The following MECOM variants were observed in gnomAD, a reference collection of about 807,000 sequenced individuals.
MECOM encodes MDS1 and EVI1 complex locus.
In MECOM, 13 loss-of-function variants were observed where a neutral mutation model predicts 116.3. That is an observed-to-expected ratio of 0.11 (90% CI 0.07 to 0.18). MECOM has a LOEUF of 0.18. Among genes scored for constraint, MECOM ranks in the 10% least tolerant of loss-of-function variants. The pLI, the probability that MECOM is intolerant of heterozygous loss-of-function variation, is 1.00. For missense variants in MECOM, 1,299 were observed against 1,509.0 expected, an observed-to-expected ratio of 0.86 and a Z score of 2.31; for synonymous variants, 528 against 535.2, an observed-to-expected ratio of 0.99 and a Z score of 0.19.
intron 2 of MECOM, among the ~76,000 whole-genome samples, chr3:169,149,025 T>C (rs2149318663): frequency 6.6e-6 from 1 of 151,938 alleles, no homozygotes; most frequent in Middle Eastern, 3.4e-3. Context: ...AGCTCCTGGT[T>C]CGTGGCCATT....
rs1223991558 is a variant in MECOM at position 169,663,513 on chromosome 3, TCTCTCTCTCTCTCTCTCCCTCC to T, written c.-163_-142del. The T allele has an allele frequency of 6.0e-6, 4 of 670,654 alleles. No individual in the cohort carries two copies. The highest frequency in any genetic ancestry group is 1.1e-5 in the Non-Finnish European group (4 of 380,780). 41.5% of individuals were successfully genotyped at this position (670,654 alleles called of 1,614,324 possible). ...CTCTCTCTCTCTCTCTCTCTCTCTC[TCTCTCTCTCTCTCTCTCCCTCC>T]CTCCTGTTTCTCTCCTGTTTCTCTC... is the stretch of plus-strand genomic sequence containing the variant. On this transcript the variant is annotated 5_prime_UTR_variant, in exon 1 of 17. Coordinates refer to ENST00000651503, the MANE Select transcript of MECOM (RefSeq NM_004991.4).
intron 1 of MECOM, among the ~76,000 whole-genome samples, chr3:169,639,757 T>C (rs1009138160): frequency 1.3e-5 from 2 of 152,186 alleles, no homozygotes; most frequent in Admixed American, 6.5e-5. Flanking sequence ...AGTATTAAGA[T>C]AGGATATATA....
At position 169,311,181 on chromosome 3, in the gene MECOM, C is replaced by A. The variant is rs9883438; in HGVS notation, c.375+70006G>T. 3.7e-3 allele frequency among the ~76,000 whole-genome samples: 556 copies of A among 152,146 alleles called. 3 individuals carry two copies. The highest frequency in any genetic ancestry group is 0.013 in the African/African-American group (539 of 41,508). Reference sequence around the variant, plus strand: ...TTGAGCACCGGATAATAACTATATTCAATTATGTCAGTTGGTACAAGTAAA... The same window carrying A: ...TTGAGCACCGGATAATAACTATATTAAATTATGTCAGTTGGTACAAGTAAA... On this transcript the variant is annotated intron_variant, in intron 2 of 16. Coordinates refer to ENST00000651503, the MANE Select transcript of MECOM (RefSeq NM_004991.4).
rs886463510 is a variant in MECOM at position 169,138,215 on chromosome 3, C to T, written c.510+5483G>A. ...TGTGTATGTGATGCTTTGTGATCTTCCTGAATGAAAGGCGATATATACATG... is the reference window on the plus strand; with the variant it reads ...TGTGTATGTGATGCTTTGTGATCTTTCTGAATGAAAGGCGATATATACATG... On this transcript the variant is annotated intron_variant, in intron 3 of 16. Coordinates refer to ENST00000651503, the MANE Select transcript of MECOM (RefSeq NM_004991.4). 5.3e-5 allele frequency among the ~76,000 whole-genome samples: 8 copies of T among 152,012 alleles called. No individual in the cohort carries two copies. In the South Asian group the frequency reaches 1.2e-3, roughly 24 times the overall value.
intron 2 of MECOM, among the ~76,000 whole-genome samples, chr3:169,232,549 CAA>C (rs1753527148): frequency 1.3e-5 from 2 of 151,756 alleles, no homozygotes; most frequent in Non-Finnish European, 2.9e-5. Flanking sequence ...GAAACACCAA[CAA>C]AGAGTTACAT....
intron 1 of MECOM, among the ~76,000 whole-genome samples, chr3:169,478,369 T>C (rs1415987925): frequency 6.6e-6 from 1 of 152,198 alleles, no homozygotes. Context: ...TTGTGTCCTA[T>C]CTACACTTGT....
intron 1 of MECOM, among the ~76,000 whole-genome samples, chr3:169,399,697 GA>G (rs1327904594): frequency 2.6e-5 from 4 of 152,196 alleles, no homozygotes; most frequent in Admixed American, 1.3e-4. Context: ...CCTAGAGTTT[GA>G]AAATTCTGCC....
chr3:169,241,959 AGTATTAGT>A (rs1465315240), intron 2 of MECOM, among the ~76,000 whole-genome samples: 4 of 152,222 alleles, frequency 2.6e-5, no homozygotes, highest in Non-Finnish European at 4.4e-5. Flanking sequence ...AAATGTAAAA[AGTATTAGT>A]GCTGAGAGTA....
intron 1 of MECOM, among the ~76,000 whole-genome samples, chr3:169,597,304 T>C (rs992703028): frequency 2.0e-5 from 3 of 152,212 alleles, no homozygotes; most frequent in Admixed American, 1.3e-4. Context: ...ACTGAGAAGA[T>C]AGACTTCCAA....
At chr3:169,199,658 T>C (rs1197704942) in intron 2 of MECOM, among the ~76,000 whole-genome samples, 1 of 152,018 alleles carries the variant, frequency 6.6e-6, no homozygotes, top group Non-Finnish European at 1.5e-5. Context: ...ACGTTACACA[T>C]GCACAACACC....
chr3:169,092,241 A>T (rs1462101242), intron 14 of MECOM, among the ~76,000 whole-genome samples: 2 of 152,042 alleles, frequency 1.3e-5, no homozygotes, highest in African/African-American at 4.8e-5. Flanking sequence ...AAAAACAAGG[A>T]TGTTCATACC....
At chr3:169,225,912 C>T (rs1306147881) in intron 2 of MECOM, among the ~76,000 whole-genome samples, 9 of 152,272 alleles carry the variant, frequency 5.9e-5, no homozygotes, top group Admixed American at 4.6e-4. Flanking sequence ...CCAGCCAAGA[C>T]CCTTGCTTTA....
chr3:169,285,018 C>A (rs1268126479), intron 2 of MECOM, among the ~76,000 whole-genome samples: 1 of 152,076 alleles, frequency 6.6e-6, no homozygotes, highest in Non-Finnish European at 1.5e-5. Flanking sequence ...TAGTCCCCAG[C>A]GGTGACTCTT....
At chr3:169,278,067 T>C (rs1759835330) in intron 2 of MECOM, among the ~76,000 whole-genome samples, 1 of 152,202 alleles carries the variant, frequency 6.6e-6, no homozygotes, top group Non-Finnish European at 1.5e-5. Context: ...AAGTGAACTC[T>C]CCAGAAACAT....
chr3:169,363,461 C>T (rs1055094640), intron 2 of MECOM, among the ~76,000 whole-genome samples: 6 of 151,888 alleles, frequency 4.0e-5, no homozygotes, highest in Admixed American at 1.3e-4. Flanking sequence ...GCTAACAACA[C>T]GTGCGCTCTT....
chr3:169,647,236 T>C (rs1179620243), intron 1 of MECOM, among the ~76,000 whole-genome samples: 1 of 152,228 alleles, frequency 6.6e-6, no homozygotes, highest in Non-Finnish European at 1.5e-5. Context: ...CTGAGAGGCC[T>C]GGAGCAAAGA....
At chr3:169,509,351 A>G (rs1036485580) in intron 1 of MECOM, among the ~76,000 whole-genome samples, 16 of 152,224 alleles carry the variant, frequency 1.1e-4, no homozygotes, top group Admixed American at 8.5e-4. Flanking sequence ...AAACATATAT[A>G]AGATAAAATT....
At chr3:169,262,462 C>T (rs1397989470) in intron 2 of MECOM, among the ~76,000 whole-genome samples, 2 of 152,190 alleles carry the variant, frequency 1.3e-5, no homozygotes. Context: ...CATACTGTAT[C>T]AATTCCTACA....
At chr3:169,376,272 A>G (rs931897339) in intron 2 of MECOM, among the ~76,000 whole-genome samples, 7 of 152,188 alleles carry the variant, frequency 4.6e-5, no homozygotes, top group African/African-American at 1.7e-4. Flanking sequence ...CTGGCACAAG[A>G]CAAGGATGCC....
Sources: gnomAD v4.1 joint callset for allele counts (sites outside exome capture counted in the v4.1 genomes callset) on GRCh38, gnomAD v4.1.1 for gene constraint, MANE v1.5 for transcripts, NCBI Gene and HGNC (gene_info 2026-07-23, HGNC 2026-07-21) for gene names.